Variants in OLFM2 observed in about 807,000 individuals in gnomAD.
OLFM2 encodes the protein noelin-2.
A neutral mutation model predicts 43.9 loss-of-function variants in OLFM2; 20 were observed. The ratio of observed to expected loss-of-function variants is 0.46; its 90% CI spans 0.32 to 0.66. The LOEUF (loss-of-function observed/expected upper bound fraction) is 0.66, where lower values mean the gene tolerates loss of function less well. Among genes scored for constraint, OLFM2 ranks in the 30% least tolerant of loss-of-function variants. OLFM2 has a pLI of 0.04. For missense variants in OLFM2, 416 were observed against 643.6 expected (o/e 0.65, Z 3.83); for synonymous variants, 268 against 278.6 (o/e 0.96, Z 0.38).
chr19:9,919,312 G>A (rs528392867), intron 1 of OLFM2, among the ~76,000 whole-genome samples: 6 of 151,986 alleles, frequency 3.9e-5, no homozygotes, highest in South Asian at 2.1e-4. Context: ...GGCTACAGGC[G>A]CCTACCACCA....
intron 1 of OLFM2, among the ~76,000 whole-genome samples, chr19:9,900,089 G>C (rs1164071719): frequency 6.6e-6 from 1 of 152,080 alleles, no homozygotes; most frequent in East Asian, 1.9e-4. Context: ...CCAGCTATTG[G>C]GTTTTGTGAG....
At chr19:9,858,024 C>G in intron 2 of OLFM2, 163 bp from the exon 3 acceptor site, 3 of 822,788 alleles carry the variant, frequency 3.6e-6, no homozygotes, top group Non-Finnish European at 6.0e-6. Flanking sequence ...ATTGCGTGCC[C>G]AATCCATCCA....
chr19:9,922,703 AG>A lies in OLFM2; in HGVS notation c.63+13600del, dbSNP rs375258571. ...GAGGCCAAGGTGGGTGGATTGCTTG[AG>A]CTCAGGAGTTCCAGATTAGCCTAGG... On this transcript the variant is annotated intron_variant, in intron 1 of 5. Transcript: ENST00000264833. Among the ~76,000 whole-genome samples, 24 of 152,178 alleles carry A rather than the reference AG, an allele frequency of 1.6e-4. No homozygotes were observed. The East Asian group carries it at 3.9e-3, about 25-fold the overall frequency.
At chr19:9,910,486 C>T (rs759348962) in intron 1 of OLFM2, among the ~76,000 whole-genome samples, 24 of 151,896 alleles carry the variant, frequency 1.6e-4, no homozygotes, top group South Asian at 4.2e-4. Flanking sequence ...TTTGGGAGGC[C>T]GAGGAGGGAG....
intron 1 of OLFM2, chr19:9,913,712 G>T: frequency 1.9e-6 from 2 of 1,037,480 alleles, no homozygotes; most frequent in Non-Finnish European, 1.2e-6. Flanking sequence ...GGCGCCCCGG[G>T]GGGGCGTGGG....
chr19:9,933,768 G>A (rs538406162), intron 1 of OLFM2, among the ~76,000 whole-genome samples: 57 of 151,824 alleles, frequency 3.8e-4, no homozygotes, highest in African/African-American at 1.3e-3. Flanking sequence ...TGTTGGCCAG[G>A]CTGGTCTCGA....
At chr19:9,862,035 A>G (rs1280476628) in intron 1 of OLFM2, among the ~76,000 whole-genome samples, 1 of 151,942 alleles carries the variant, frequency 6.6e-6, no homozygotes, top group African/African-American at 2.4e-5. Flanking sequence ...AAAAAAAAAA[A>G]AAAAAAAAAG....
At chr19:9,931,865 G>T (rs2086484968) in intron 1 of OLFM2, among the ~76,000 whole-genome samples, 1 of 152,062 alleles carries the variant, frequency 6.6e-6, no homozygotes, top group Non-Finnish European at 1.5e-5. Flanking sequence ...CATCACACCT[G>T]GCCTGAAGAA....
At position 9,857,932 on chromosome 19, in the gene OLFM2, G is replaced by C. The variant is rs1465647887; in HGVS notation, c.214-71C>G. ...CCCAACCCAGAGATGCCACAGACAAGAGCTGGCAGGAACAGAGGCTGTACA... is the reference window on the plus strand; with the variant it reads ...CCCAACCCAGAGATGCCACAGACAACAGCTGGCAGGAACAGAGGCTGTACA... On this transcript the variant is annotated intron_variant, in intron 2 of 5. Transcript: ENST00000264833. The surrounding 1 kb of genome is among the most constrained non-coding windows in gnomAD (Gnocchi z 5.7). 1 of 1,595,232 alleles carries C rather than the reference G, an allele frequency of 6.3e-7. No homozygotes were observed. The highest frequency in any genetic ancestry group is 1.7e-5 in the Admixed American group (1 of 59,482).
At chr19:9,915,493 CTTTTTTATTTAT>C (rs151273836) in intron 1 of OLFM2, among the ~76,000 whole-genome samples, 52,496 of 130,862 alleles carry the variant, frequency 0.4, 11,195 homozygotes, top group Admixed American at 0.56. Context: ...GAGAAAGGGA[CTTTTTTATTTAT>C]TTATTTATTT....
chr19:9,909,313 C>T (rs1481250175), intron 1 of OLFM2, among the ~76,000 whole-genome samples: 1 of 152,126 alleles, frequency 6.6e-6, no homozygotes, highest in East Asian at 1.9e-4. Flanking sequence ...CTTCAGGCCT[C>T]GAAATGATGT....
intron 1 of OLFM2, among the ~76,000 whole-genome samples, chr19:9,872,824 TCATTCATCCAACCATCCATTTATATA>T (rs1024047278): frequency 6.6e-6 from 1 of 151,952 alleles, no homozygotes; most frequent in African/African-American, 2.4e-5. Context: ...TCACTCGTAT[TCATTCATCCAACCATCCATTTATATA>T]CATCCATCCA....
chr19:9,889,248 G>A (rs942839897), intron 1 of OLFM2, among the ~76,000 whole-genome samples: 9 of 151,162 alleles, frequency 6.0e-5, no homozygotes, highest in Non-Finnish European at 1.3e-4. Flanking sequence ...TGTGTTTTTT[G>A]TATTTTGTTT....
chr19:9,862,776 A>T (rs2046373316), intron 1 of OLFM2, among the ~76,000 whole-genome samples: 1 of 152,064 alleles, frequency 6.6e-6, no homozygotes, highest in African/African-American at 2.4e-5. Context: ...GGAGTTCCAG[A>T]CCAGCTTAGC....
At chr19:9,881,327 CTGCCCTATACAGTGA>C (rs2046538179) in intron 1 of OLFM2, among the ~76,000 whole-genome samples, 2 of 152,296 alleles carry the variant, frequency 1.3e-5, no homozygotes, top group South Asian at 4.1e-4. Context: ...TCCTGGGACC[CTGCCCTATACAGTGA>C]TGCCCTATAC....
chr19:9,898,315 A>C (rs1000935216), intron 1 of OLFM2, among the ~76,000 whole-genome samples: 1 of 148,528 alleles, frequency 6.7e-6, no homozygotes, highest in African/African-American at 2.5e-5. Context: ...TGAGGTCAGG[A>C]GTTCGAGACC....
At chr19:9,912,182 GACACACAGAA>G (rs2046832481) in intron 1 of OLFM2, among the ~76,000 whole-genome samples, 1 of 152,046 alleles carries the variant, frequency 6.6e-6, no homozygotes, top group Non-Finnish European at 1.5e-5. Flanking sequence ...TAATGTGACA[GACACACAGAA>G]ACACACCGTC....
chr19:9,931,143 T>C (rs1004066080), intron 1 of OLFM2, among the ~76,000 whole-genome samples: 1 of 152,206 alleles, frequency 6.6e-6, no homozygotes, highest in African/African-American at 2.4e-5. Context: ...TTCCCTCCAC[T>C]GGGACATTTA....
chr19:9,933,580 A>T (rs562611119), intron 1 of OLFM2, among the ~76,000 whole-genome samples: 1 of 112,716 alleles, frequency 8.9e-6, no homozygotes, highest in South Asian at 2.8e-4. Flanking sequence ...TTTTTGAGAC[A>T]GAGTTTCACT....
Sources: allele counts gnomAD v4.1 joint callset (sites outside exome capture counted in the v4.1 genomes callset), GRCh38; gene constraint gnomAD v4.1.1; non-coding constraint Gnocchi (gnomAD v3.1); transcripts MANE v1.5; gene names NCBI Gene and HGNC (gene_info 2026-07-23, HGNC 2026-07-21).